HACD1: variants seen among roughly 807,000 people sequenced by gnomAD.
The protein encoded by HACD1 is 3-hydroxyacyl-CoA dehydratase 1, also known as very-long-chain (3R)-3-hydroxyacyl-CoA dehydratase 1.
In HACD1, 41 loss-of-function variants were observed where a neutral mutation model predicts 32.0. The observed-to-expected ratio is 1.28, with a 90% CI of 1.00 to 1.66. HACD1 has a LOEUF of 1.66. Ranked by LOEUF, HACD1 falls within the 40% of genes most tolerant of loss-of-function variation. The pLI is 0.00. For missense variants in HACD1, 396 were observed against 380.1 expected, an observed-to-expected ratio of 1.04 and a Z score of -0.35; for synonymous variants, 142 against 139.0, an observed-to-expected ratio of 1.02 and a Z score of -0.15.
chr10:17,596,215 G>T (rs1457263738), intron 5 of HACD1, among the ~76,000 whole-genome samples: 1 of 152,138 alleles, frequency 6.6e-6, no homozygotes, highest in African/African-American at 2.4e-5. Flanking sequence ...GATAAGAGAT[G>T]GGGAGAAGGG....
intron 1 of HACD1, among the ~76,000 whole-genome samples, chr10:17,616,464 C>T (rs1379035275): frequency 6.6e-6 from 1 of 151,972 alleles, no homozygotes; most frequent in East Asian, 1.9e-4. Context: ...CTGCGAAGAG[C>T]GACAGTCATT....
At chr10:17,592,252 G>T (rs565718855) in intron 6 of HACD1, among the ~76,000 whole-genome samples, 1 of 151,828 alleles carries the variant, frequency 6.6e-6, no homozygotes, top group Non-Finnish European at 1.5e-5. Flanking sequence ...AAAGTGCTGC[G>T]ATTACAGGTG....
At chr10:17,591,299 C>A (rs1201629949) in intron 6 of HACD1, among the ~76,000 whole-genome samples, 2 of 152,206 alleles carry the variant, frequency 1.3e-5, no homozygotes, top group Admixed American at 6.5e-5. Context: ...CCCTCAGGAC[C>A]ATGGATCAAC....
intron 1 of HACD1, among the ~76,000 whole-genome samples, chr10:17,614,320 G>C (rs888830343): frequency 6.6e-6 from 1 of 152,176 alleles, no homozygotes; most frequent in Non-Finnish European, 1.5e-5. Flanking sequence ...GTGCAGACTG[G>C]AGTGCAGTGG....
At chr10:17,596,605 A>G (rs1833998246) in intron 5 of HACD1, among the ~76,000 whole-genome samples, 1 of 151,710 alleles carries the variant, frequency 6.6e-6, no homozygotes, top group South Asian at 2.1e-4. Flanking sequence ...CAAATTATAT[A>G]ATTTGACTTT....
Position 17,590,153 on chromosome 10 carries a change from C to G in HACD1, c.*211G>C. The G allele has an allele frequency of 3.0e-6, 1 of 333,584 alleles. No individual in the cohort carries two copies. 20.7% of individuals were successfully genotyped at this position (333,584 alleles called of 1,614,324 possible). A position where few individuals can be genotyped will look rare whatever the true frequency, so the allele number is the denominator to read the frequency against. On this transcript the variant is annotated 3_prime_UTR_variant, in exon 7 of 7. Transcript: ENST00000361271. The stretch of plus-strand genomic sequence containing the variant: ...TATTTTCCTAATAATCAATACCTAC[C>G]CAAAAGTTACTGATATTTGCACAGT...
chr10:17,615,727 G>A (rs1394977375), intron 1 of HACD1: 1 of 368,798 alleles, frequency 2.7e-6, no homozygotes, highest in South Asian at 1.9e-5. Flanking sequence ...AGCACATTGG[G>A]AGGCCGAAGT....
At position 17,603,595 on chromosome 10, in the gene HACD1, A is replaced by C; in HGVS notation, c.448T>G (p.Phe150Val). The change falls in exon 4 of 7, where the codon TTT (phenylalanine) becomes GTT (valine). Residue 150 changes from phenylalanine to valine, a missense_variant. Transcript: ENST00000361271. ...VTGVQVSSRI[F>V]MVWLITHSIK... Reference sequence around the variant, plus strand: ...CTGTGAGTAATGAGCCACACCATAAAGATTCTTGAACTCACTTGGACCCCA... The same window carrying C: ...CTGTGAGTAATGAGCCACACCATAACGATTCTTGAACTCACTTGGACCCCA... 3 of 1,613,514 alleles carry C rather than the reference A, an allele frequency of 1.9e-6. No individual in the cohort carries two copies. The highest frequency in any genetic ancestry group is 2.5e-6 in the Non-Finnish European group (3 of 1,179,520).
intron 4 of HACD1, chr10:17,603,305 A>C: frequency 5.6e-6 from 2 of 357,146 alleles, no homozygotes; most frequent in Non-Finnish European, 1.0e-5. Flanking sequence ...CAGAACCTGA[A>C]TACTGATTTC....
At chr10:17,604,983 T>C (rs1163264828) in intron 1 of HACD1, among the ~76,000 whole-genome samples, 1 of 151,932 alleles carries the variant, frequency 6.6e-6, no homozygotes, top group Non-Finnish European at 1.5e-5. Context: ...TGGGATTACA[T>C]GGAGTGAGCC....
At chr10:17,599,527 A>T (rs1289470268) in intron 4 of HACD1, 116 bp from the exon 5 acceptor site, 1 of 1,411,354 alleles carries the variant, frequency 7.1e-7, no homozygotes, top group African/African-American at 1.4e-5. Context: ...GGGTTAGGCA[A>T]ATGCAATATA....
Position 17,599,363 on chromosome 10 carries a change from T to C in HACD1, c.532A>G (p.Thr178Ala). ...TAGAAGGAATAGCGAGTGATCTCTG[T>C]CACAGTCCACGCGACCAGAAAAAGC... The part of the protein sequence containing the change: ...VVLFLVAWTV[T>A]EITRYSFYTF... The change falls in exon 5 of 7, where the codon ACA (threonine) becomes GCA (alanine). Residue 178 changes from threonine to alanine, a missense_variant. Coordinates refer to ENST00000361271, the MANE Select transcript of HACD1 (RefSeq NM_014241.4). The C allele has an allele frequency of 6.2e-7, 1 of 1,613,972 alleles. No individual in the cohort carries two copies.
intron 4 of HACD1, among the ~76,000 whole-genome samples, chr10:17,601,385 A>C (rs1259748073): frequency 6.6e-6 from 1 of 152,176 alleles, no homozygotes; most frequent in Non-Finnish European, 1.5e-5. Context: ...AGGTGTAGAG[A>C]ACGCATTCAA....
chr10:17,603,632 A>T lies in HACD1; in HGVS notation c.411T>A (p.Ser137=). Residue 137 remains serine (S), a synonymous_variant, in exon 4 of 7, where the codon TCT becomes TCA. Transcript: ENST00000361271. ...VHCLIGIVPT[S]VIVTGVQVSS... is the part of the protein sequence containing the mutation. ...TCACTTGGACCCCAGTCACAATCAC[A>T]GAAGTAGGTACAATTCCTTAAAAAG... The T allele has an allele frequency of 6.2e-7, 1 of 1,613,262 alleles. No homozygotes were observed. The highest frequency in any genetic ancestry group is 8.5e-7 in the Non-Finnish European group (1 of 1,179,300).
chr10:17,602,189 C>T (rs1588988279), intron 4 of HACD1, among the ~76,000 whole-genome samples: 1 of 151,952 alleles, frequency 6.6e-6, no homozygotes. Context: ...CCTGCCTCAG[C>T]CTCCCGTGTA....
At chr10:17,612,871 G>A (rs1329579386) in intron 1 of HACD1, among the ~76,000 whole-genome samples, 4 of 150,100 alleles carry the variant, frequency 2.7e-5, no homozygotes, top group Non-Finnish European at 5.9e-5. Flanking sequence ...GCAGTGAGCC[G>A]AGATCTCCCC....
Position 17,589,973 on chromosome 10 carries a change from C to T in HACD1, c.*391G>A, listed in dbSNP as rs1464567387. 6.5e-6 allele frequency: 1 copy of T among 152,752 alleles called. No individual in the cohort carries two copies. Among genetic ancestry groups the T allele is most frequent in the East Asian group, 1.9e-4 (1 of 5,230 alleles). The allele number at this position is 152,752 out of a possible 1,614,324, so 9.5% of individuals were successfully genotyped here. A position where few individuals can be genotyped will look rare whatever the true frequency, so the allele number is the denominator to read the frequency against. On this transcript the variant is annotated 3_prime_UTR_variant, in exon 7 of 7. Transcript: ENST00000361271. ...TTATTAACAAGTTGTTATAATTTTG[C>T]ATTTATTTTCATTTATAAATATCAC...
intron 1 of HACD1, among the ~76,000 whole-genome samples, chr10:17,616,196 G>C (rs1554818053): frequency 1.3e-5 from 2 of 151,692 alleles, no homozygotes; most frequent in East Asian, 1.9e-4. Context: ...ATGAACCCGG[G>C]AGGCGGAGCT....
chr10:17,608,488 A>G (rs1834180332), intron 1 of HACD1, among the ~76,000 whole-genome samples: 1 of 150,868 alleles, frequency 6.6e-6, no homozygotes, highest in Non-Finnish European at 1.5e-5. Context: ...ACTTTCATAT[A>G]CTCCACACTT....
Sources: gnomAD v4.1 joint callset for allele counts (sites outside exome capture counted in the v4.1 genomes callset) on GRCh38, gnomAD v4.1.1 for gene constraint, MANE v1.5 for transcripts, NCBI Gene and HGNC (gene_info 2026-07-23, HGNC 2026-07-21) for gene names.